The following SSX2IP variants were observed in gnomAD, a reference collection of about 807,000 sequenced individuals.
SSX2IP encodes afadin- and alpha-actinin-binding protein.
SSX2IP carries 55 observed loss-of-function variants against 84.9 expected under a neutral mutation model. The ratio of observed to expected loss-of-function variants is 0.65; its 90% confidence interval spans 0.52 to 0.81. The LOEUF (loss-of-function observed/expected upper bound fraction) is 0.81. SSX2IP is among the 30% of genes least tolerant of loss of function. SSX2IP has a pLI of 0.00. For synonymous variants in SSX2IP, 239 were observed against 234.7 expected, an observed-to-expected ratio of 1.02 and a Z score of -0.17; for missense variants, 664 against 705.2, an observed-to-expected ratio of 0.94 and a Z score of 0.66.
chr1:84,658,063 G>C (rs1651386518), intron 9 of SSX2IP: 2 of 338,522 alleles, frequency 5.9e-6, no homozygotes, highest in Middle Eastern at 8.1e-4. Flanking sequence ...TTGAACCTGG[G>C]AGGCGGAGGT....
chr1:84,666,985 C>T (rs1357688099), intron 4 of SSX2IP, among the ~76,000 whole-genome samples: 1 of 152,084 alleles, frequency 6.6e-6, no homozygotes, highest in Non-Finnish European at 1.5e-5. Flanking sequence ...TCTGTAAGAA[C>T]AGATCTCAAG....
chr1:84,652,148 A>T, intron 11 of SSX2IP, 151 bp from the exon 12 acceptor site: 1 of 590,340 alleles, frequency 1.7e-6, no homozygotes. Flanking sequence ...ACTAAAAATA[A>T]TTTCAGCACT....
intron 3 of SSX2IP, 185 bp from the exon 4 acceptor site, chr1:84,670,078 AATG>A (rs1653341370): frequency 5.7e-6 from 3 of 525,202 alleles, no homozygotes; most frequent in Non-Finnish European, 1.0e-5. Context: ...CACCACAAAA[AATG>A]ATATAAGTAT....
At chr1:84,667,479 C>A (rs1411902694) in intron 4 of SSX2IP, among the ~76,000 whole-genome samples, 1 of 152,088 alleles carries the variant, frequency 6.6e-6, no homozygotes, top group Non-Finnish European at 1.5e-5. Context: ...CTTTCTGAGC[C>A]CCCTAACTCC....
intron 11 of SSX2IP, 91 bp downstream of exon 11, chr1:84,655,741 A>C: frequency 6.8e-7 from 1 of 1,468,182 alleles, no homozygotes; most frequent in East Asian, 2.4e-5. Context: ...AAAATAAGTA[A>C]ATAGCAAGAA....
At position 84,643,962 on chromosome 1, in the gene SSX2IP, A is replaced by G. The variant is rs1649203290; in HGVS notation, c.*3471T>C. 1 of 152,204 alleles carries G rather than the reference A, an allele frequency of 6.6e-6. No individual in the cohort carries two copies. Among genetic ancestry groups the G allele is most frequent in the Non-Finnish European group, 1.5e-5 (1 of 68,036 alleles). 9.4% of individuals were successfully genotyped at this position (152,204 alleles called of 1,614,324 possible). A position where few individuals can be genotyped will look rare whatever the true frequency, so the allele number is the denominator to read the frequency against. Reference sequence around the variant, plus strand: ...TCAATATCCACCCACTCTAATTTACATCCAGCTTGAAAAACACTGTATTTA... The same window carrying G: ...TCAATATCCACCCACTCTAATTTACGTCCAGCTTGAAAAACACTGTATTTA... On this transcript the variant is annotated 3_prime_UTR_variant, in exon 14 of 14. Transcript: ENST00000342203.
At position 84,664,445 on chromosome 1, in the gene SSX2IP, A is replaced by G; in HGVS notation, c.645T>C (p.Leu215=). The G allele has an allele frequency of 6.3e-7, 1 of 1,598,672 alleles. No individual in the cohort carries two copies. Among genetic ancestry groups the G allele is most frequent in the South Asian group, 1.1e-5 (1 of 87,852 alleles). The part of the protein sequence containing the change: ...YNKLKERLHQ[L]VMNKKDKKIA... ...TTTTCTTATCTTTCTTGTTCATAAC[A>G]AGTTGATGTAGACGTTCCTTCAGTT... Residue 215 remains leucine, a synonymous_variant, in exon 6 of 14, where the codon CTT becomes CTC. Transcript: ENST00000342203.
chr1:84,669,078 A>G lies in SSX2IP; in HGVS notation c.426+603T>C, dbSNP rs113950332. The stretch of plus-strand genomic sequence containing the variant: ...TTAAAAATAAAAATGAAAACATAAA[A>G]GGAAGAAAAAGAAAGAAATCAAAAT... On this transcript the variant is annotated intron_variant, in intron 4 of 13. Transcript: ENST00000342203. Among the ~76,000 whole-genome samples the G allele has an allele frequency of 9.5e-4, 145 of 152,202 alleles. 1 individual carries two copies. The highest frequency in any genetic ancestry group is 3.3e-3 in the African/African-American group (138 of 41,572).
At chr1:84,674,678 T>C (rs541687157) in intron 1 of SSX2IP, among the ~76,000 whole-genome samples, 2 of 152,218 alleles carry the variant, frequency 1.3e-5, no homozygotes, top group African/African-American at 4.8e-5. Context: ...GTCTATAGAT[T>C]AGACAGTGAA....
At chr1:84,665,990 A>G (rs1172522690) in intron 5 of SSX2IP, 132 bp downstream of exon 5, 1 of 674,236 alleles carries the variant, frequency 1.5e-6, no homozygotes, top group South Asian at 1.9e-5. Flanking sequence ...ACAAAGGTCC[A>G]CCATATCAAT....
At position 84,647,437 on chromosome 1, in the gene SSX2IP, G is replaced by A; in HGVS notation, c.1841C>T (p.Pro614Leu). The A allele has an allele frequency of 6.3e-7, 1 of 1,588,214 alleles. No homozygotes were observed. Among genetic ancestry groups the A allele is most frequent in the South Asian group, 1.1e-5 (1 of 87,004 alleles). Residue 614 changes from proline (P) to leucine (L), a missense_variant, in exon 14 of 14, where the codon CCT becomes CTT. Physicochemically the swap from Pro to Leu is moderately conservative, Grantham distance 98. Coordinates refer to ENST00000342203, the MANE Select transcript of SSX2IP (RefSeq NM_001166293.2). ...AAAAAATTCCAGTCCACATGTCTAAGGTAAGTCATCTTTTTCTACATGAGA... is the reference window on the plus strand; with the variant it reads ...AAAAAATTCCAGTCCACATGTCTAAAGTAAGTCATCTTTTTCTACATGAGA... ...TNSHVEKDDL[P>L]
At position 84,646,623 on chromosome 1, in the gene SSX2IP, A is replaced by G. The variant is rs1649490159; in HGVS notation, c.*810T>C. On this transcript the variant is annotated 3_prime_UTR_variant, in exon 14 of 14. Coordinates refer to ENST00000342203, the MANE Select transcript of SSX2IP (RefSeq NM_001166293.2). ...AAGGTACTTTTGTCGTCTTGCCCCT[A>G]TTCTTCTATCATCAATAGTCCTTTT... 6.6e-6 allele frequency: 1 copy of G among 152,542 alleles called. No homozygotes were observed. Among genetic ancestry groups the G allele is most frequent in the Non-Finnish European group, 1.5e-5 (1 of 67,990 alleles). 9.4% of individuals were successfully genotyped at this position (152,542 alleles called of 1,614,324 possible).
At chr1:84,678,968 G>T (rs765682250) in intron 1 of SSX2IP, among the ~76,000 whole-genome samples, 1 of 152,050 alleles carries the variant, frequency 6.6e-6, no homozygotes, top group Non-Finnish European at 1.5e-5. Context: ...ACACCATCTG[G>T]GCTTCTAAAT....
rs766390453 is a variant in SSX2IP, at chr1:84,658,472, C to T, written c.928-4G>A. 2.5e-6 allele frequency: 4 copies of T among 1,613,078 alleles called. No individual in the cohort carries two copies. In the African/African-American group the frequency reaches 4.0e-5, roughly 16 times the overall value. On this transcript the variant is annotated splice_polypyrimidine_tract_variant and splice_region_variant and intron_variant, in intron 8 of 13. Transcript: ENST00000342203. ...CTTCTTCAACATCGGAAATAACCTA[C>T]AAGCGGAGAGAGATGAAGAGGAAAG... is the stretch of plus-strand genomic sequence containing the variant.
chr1:84,671,002 T>C (rs567309002), intron 2 of SSX2IP, among the ~76,000 whole-genome samples, 175 bp downstream of exon 2: 1 of 152,316 alleles, frequency 6.6e-6, no homozygotes, highest in South Asian at 2.1e-4. Flanking sequence ...TACTTTTTTT[T>C]CCAAAAAGAT....
intron 1 of SSX2IP, among the ~76,000 whole-genome samples, chr1:84,681,105 A>G (rs965518596): frequency 6.6e-6 from 1 of 152,222 alleles, no homozygotes; most frequent in East Asian, 1.9e-4. Flanking sequence ...TAAGGGAAAT[A>G]GCACTTTACC....
chr1:84,669,610 T>A, intron 4 of SSX2IP, 71 bp downstream of exon 4: 1 of 1,257,998 alleles, frequency 7.9e-7, no homozygotes, highest in Non-Finnish European at 1.1e-6. Context: ...AAATATTTAA[T>A]AAAGTCAGTA....
intron 8 of SSX2IP, among the ~76,000 whole-genome samples, chr1:84,659,275 G>A (rs752310541): frequency 6.9e-6 from 1 of 144,482 alleles, no homozygotes; most frequent in Non-Finnish European, 1.5e-5. Context: ...TCAGCAGGAT[G>A]AGGGAGCAAC....
At position 84,662,546 on chromosome 1, in the gene SSX2IP, C is replaced by T; in HGVS notation, c.674-16G>A. 1 of 1,612,328 alleles carries T rather than the reference C, an allele frequency of 6.2e-7. No individual in the cohort carries two copies. The highest frequency in any genetic ancestry group is 8.5e-7 in the Non-Finnish European group (1 of 1,179,066). On this transcript the variant is annotated splice_polypyrimidine_tract_variant and intron_variant, in intron 6 of 13. Coordinates refer to ENST00000342203, the MANE Select transcript of SSX2IP (RefSeq NM_001166293.2). Reference sequence around the variant, plus strand: ...ATGTCCATAGCTACAAACATGAACACATAAAATTAATTCTTACCATACATG... The same window carrying T: ...ATGTCCATAGCTACAAACATGAACATATAAAATTAATTCTTACCATACATG...
Sources: gnomAD v4.1 joint callset for allele counts (sites outside exome capture counted in the v4.1 genomes callset) on GRCh38, gnomAD v4.1.1 for gene constraint, MANE v1.5 for transcripts, NCBI Gene and HGNC (gene_info 2026-07-23, HGNC 2026-07-21) for gene names.